The following NTN1 variants were observed in gnomAD, a reference collection of about 807,000 sequenced individuals.
NTN1 encodes the protein netrin-1.
NTN1 carries 11 observed loss-of-function variants against 54.2 expected under a neutral mutation model. That is an observed-to-expected ratio of 0.20 (90% CI 0.13 to 0.34). The LOEUF (loss-of-function observed/expected upper bound fraction) is 0.34, where lower values mean the gene tolerates loss of function less well. Among genes scored for constraint, NTN1 ranks in the 10% least tolerant of loss-of-function variants. The probability of loss-of-function intolerance (pLI) is 1.00; values close to 1 mark genes in which losing one functional copy is unlikely to be tolerated. For synonymous variants in NTN1, 371 were observed against 382.0 expected (o/e 0.97, Z 0.33); for missense variants, 740 against 893.1 (o/e 0.83, Z 2.18).
intron 6 of NTN1, among the ~76,000 whole-genome samples, chr17:9,222,654 G>C (rs1229523051): frequency 6.6e-6 from 1 of 152,134 alleles, no homozygotes; most frequent in Non-Finnish European, 1.5e-5. Flanking sequence ...TGTGGAGGAG[G>C]CCTCACTATC....
rs765690121 is a variant in NTN1, at chr17:9,069,889, C to T, written c.1018+46498C>T. Reference sequence around the variant, plus strand: ...GGTACCAAGACCCCGTGTCACAGCACAGGCCAAATGAACCACCTGTGGCTC... The same window carrying T: ...GGTACCAAGACCCCGTGTCACAGCATAGGCCAAATGAACCACCTGTGGCTC... On this transcript the variant is annotated intron_variant, in intron 2 of 6. Coordinates refer to ENST00000173229, the MANE Select transcript of NTN1 (RefSeq NM_004822.3). Among the ~76,000 whole-genome samples, 11 of 152,328 alleles carry T rather than the reference C, an allele frequency of 7.2e-5. No homozygotes were observed. The East Asian group carries it at 2.1e-3, about 29-fold the overall frequency.
At chr17:9,125,493 G>A (rs2092244141) in intron 2 of NTN1, among the ~76,000 whole-genome samples, 1 of 152,178 alleles carries the variant, frequency 6.6e-6, no homozygotes, top group Admixed American at 6.5e-5. Flanking sequence ...CTCCCAAAGT[G>A]CTGGGATTAC....
chr17:9,070,965 C>T (rs1436975912), intron 2 of NTN1, among the ~76,000 whole-genome samples: 3 of 152,102 alleles, frequency 2.0e-5, no homozygotes, highest in South Asian at 2.1e-4. Flanking sequence ...ACCCATAGTT[C>T]GGTCTTCCCA....
At chr17:9,040,617 A>G (rs918235178) in intron 2 of NTN1, among the ~76,000 whole-genome samples, 2 of 152,164 alleles carry the variant, frequency 1.3e-5, no homozygotes, top group Non-Finnish European at 2.9e-5. Flanking sequence ...TAGAATGTCA[A>G]AGTAATGGTA....
At chr17:9,016,239 C>T in the NTN1 span, among the ~76,000 whole-genome samples, 2 of 152,266 alleles carry the variant, frequency 1.3e-5, no homozygotes, top group East Asian at 3.9e-4. Context: ...TTCGTCTCTG[C>T]CCCAAACTCT....
chr17:9,016,072 TA>T, the NTN1 span, among the ~76,000 whole-genome samples: 33 of 145,862 alleles, frequency 2.3e-4, no homozygotes, highest in Middle Eastern at 3.5e-3. Context: ...AAAATTTATC[TA>T]AAAAAAAAAG....
intron 4 of NTN1, among the ~76,000 whole-genome samples, chr17:9,180,979 G>T (rs1377561860): frequency 6.6e-6 from 1 of 152,000 alleles, no homozygotes. Context: ...CGGAAAACAT[G>T]GGGGGAAAGC....
intron 2 of NTN1, among the ~76,000 whole-genome samples, chr17:9,058,479 C>T (rs928807264): frequency 6.6e-6 from 1 of 151,210 alleles, no homozygotes; most frequent in African/African-American, 2.4e-5. Flanking sequence ...CCCTAAGTGG[C>T]CCCACATGGC....
intron 2 of NTN1, among the ~76,000 whole-genome samples, chr17:9,128,162 G>A (rs1161958091): frequency 1.3e-5 from 2 of 150,580 alleles, no homozygotes; most frequent in African/African-American, 4.9e-5. Context: ...ATAATAAAGT[G>A]AGCTGGGTGT....
chr17:9,216,903 G>A (rs571960229), intron 5 of NTN1, among the ~76,000 whole-genome samples: 1 of 152,214 alleles, frequency 6.6e-6, no homozygotes, highest in African/African-American at 2.4e-5. Flanking sequence ...TTAGGTGGAC[G>A]AGCTGGTGTG....
At chr17:9,184,574 C>CG (rs1182777601) in intron 5 of NTN1, among the ~76,000 whole-genome samples, 2 of 152,180 alleles carry the variant, frequency 1.3e-5, no homozygotes, top group Non-Finnish European at 2.9e-5. Flanking sequence ...GTGCACACCG[C>CG]GGGGGGCTGA....
intron 2 of NTN1, among the ~76,000 whole-genome samples, chr17:9,097,248 C>T (rs1020737598): frequency 1.3e-5 from 2 of 152,140 alleles, no homozygotes; most frequent in Admixed American, 6.5e-5. Flanking sequence ...CCTCCTATGC[C>T]GACGCTTGTT....
In NTN1 at chr17:9,096,032, G is replaced by A. The variant is rs570055745; in HGVS notation, c.1019-66781G>A. Among the ~76,000 whole-genome samples the A allele has an allele frequency of 1.4e-4, 22 of 152,182 alleles. No homozygotes were observed. The East Asian group carries it at 4.3e-3, about 29-fold the overall frequency. ...CGCTGGTCTTGAACGCCTGACCTCA[G>A]GTGATCTGCCCACCTCGGCCTCCCA... On this transcript the variant is annotated intron_variant, in intron 2 of 6. Transcript: ENST00000173229.
intron 3 of NTN1, among the ~76,000 whole-genome samples, chr17:9,168,414 C>T (rs997333306): frequency 6.6e-6 from 1 of 152,126 alleles, no homozygotes; most frequent in African/African-American, 2.4e-5. Context: ...TGCCTGTAAT[C>T]CCAGCTACTT....
At chr17:9,113,761 A>C (rs974662523) in intron 2 of NTN1, among the ~76,000 whole-genome samples, 5 of 152,186 alleles carry the variant, frequency 3.3e-5, no homozygotes, top group Non-Finnish European at 5.9e-5. Context: ...AGTAAGAGGC[A>C]GATTTTGTTC....
At chr17:9,013,302 C>T in the NTN1 span, among the ~76,000 whole-genome samples, 40 of 150,996 alleles carry the variant, frequency 2.6e-4, no homozygotes, top group African/African-American at 7.8e-4. Context: ...CTGCAACCTC[C>T]GCCTCCCAGG....
At chr17:9,090,847 C>T (rs1012783935) in intron 2 of NTN1, among the ~76,000 whole-genome samples, 4 of 152,126 alleles carry the variant, frequency 2.6e-5, no homozygotes, top group African/African-American at 9.7e-5. Flanking sequence ...AGGGTGGGTG[C>T]CCATCTAAGG....
chr17:9,137,941 C>CA (rs1177846347), intron 2 of NTN1, among the ~76,000 whole-genome samples: 1 of 152,216 alleles, frequency 6.6e-6, no homozygotes, highest in Non-Finnish European at 1.5e-5. Context: ...CACGTGCCTG[C>CA]AGTGAGCTCA....
intron 2 of NTN1, among the ~76,000 whole-genome samples, chr17:9,137,993 G>A (rs1400323948): frequency 6.6e-6 from 1 of 151,378 alleles, no homozygotes; most frequent in East Asian, 1.9e-4. Context: ...GTCCTGAAGT[G>A]CAGTGGGCAA....
Sources: allele counts gnomAD v4.1 joint callset (sites outside exome capture counted in the v4.1 genomes callset), GRCh38; gene constraint gnomAD v4.1.1; transcripts MANE v1.5; gene names NCBI Gene and HGNC (gene_info 2026-07-23, HGNC 2026-07-21).